Variants in NOL4 observed in about 807,000 individuals in gnomAD.
NOL4 encodes nucleolar protein 4, also known as cancer/testis antigen 125.
NOL4 carries 17 observed loss-of-function variants against 75.9 expected under a neutral mutation model. The ratio of observed to expected loss-of-function variants is 0.22; its 90% CI spans 0.15 to 0.34. The LOEUF is 0.34. NOL4 is among the 10% of genes least tolerant of loss of function. The pLI is 1.00. For missense variants in NOL4, 614 were observed against 793.5 expected, an observed-to-expected ratio of 0.77 and a Z score of 2.72; for synonymous variants, 292 against 289.9, an observed-to-expected ratio of 1.01 and a Z score of -0.07.
chr18:34,135,476 T>C (rs1410303262), intron 1 of NOL4, among the ~76,000 whole-genome samples: 1 of 151,848 alleles, frequency 6.6e-6, no homozygotes, highest in East Asian at 1.9e-4. Context: ...GACGGGTGGA[T>C]CACGAGGTCA....
intron 9 of NOL4, among the ~76,000 whole-genome samples, chr18:33,932,316 T>C (rs1013410857): frequency 3.3e-5 from 5 of 152,124 alleles, no homozygotes; most frequent in Admixed American, 3.3e-4. Context: ...TAAAAAATAA[T>C]GCCATGTTTT....
chr18:34,067,390 G>A (rs1048103351), intron 5 of NOL4, among the ~76,000 whole-genome samples: 1 of 151,984 alleles, frequency 6.6e-6, no homozygotes, highest in Non-Finnish European at 1.5e-5. Context: ...ACCCTGAAAG[G>A]GCTTTGAGTA....
chr18:34,122,545 C>A lies in NOL4; in HGVS notation c.414+7326G>T, dbSNP rs776519352. On this transcript the variant is annotated intron_variant, in intron 2 of 10. Transcript: ENST00000261592. ...ATTATAATATCTATAGTGTTTGAAGCAATTATTATGTTAAAACTTTACCTA... is the reference window on the plus strand; with the variant it reads ...ATTATAATATCTATAGTGTTTGAAGAAATTATTATGTTAAAACTTTACCTA... Among the ~76,000 whole-genome samples the A allele has an allele frequency of 2.6e-5, 4 of 152,160 alleles. No homozygotes were observed. In the East Asian group the frequency reaches 7.7e-4, roughly 29 times the overall value.
At chr18:34,222,348 G>T in intron 1 of NOL4, 2 of 1,263,348 alleles carry the variant, frequency 1.6e-6, no homozygotes, top group Non-Finnish European at 2.0e-6. Context: ...GGGAATGGGG[G>T]GGCGGGGAGG....
intron 9 of NOL4, among the ~76,000 whole-genome samples, chr18:33,918,895 C>T (rs1599865100): frequency 6.6e-6 from 1 of 151,786 alleles, no homozygotes; most frequent in East Asian, 1.9e-4. Flanking sequence ...AACGTTCAGG[C>T]CAAATAAAAC....
intron 10 of NOL4, among the ~76,000 whole-genome samples, chr18:33,855,606 C>T (rs2062802931): frequency 6.6e-6 from 1 of 152,002 alleles, no homozygotes. Flanking sequence ...TCCAAGTGCC[C>T]ACATTTTTAC....
At chr18:33,902,687 T>G (rs1417286820) in intron 9 of NOL4, among the ~76,000 whole-genome samples, 1 of 152,144 alleles carries the variant, frequency 6.6e-6, no homozygotes, top group East Asian at 1.9e-4. Flanking sequence ...TTGAGTCCTT[T>G]TTTCATCAAG....
At chr18:34,028,287 G>A (rs997719497) in intron 5 of NOL4, among the ~76,000 whole-genome samples, 1 of 152,184 alleles carries the variant, frequency 6.6e-6, no homozygotes, top group African/African-American at 2.4e-5. Context: ...GCCAAACAGG[G>A]AACATTTACT....
At chr18:34,059,139 A>C (rs1221138539) in intron 5 of NOL4, among the ~76,000 whole-genome samples, 4 of 104,310 alleles carry the variant, frequency 3.8e-5, no homozygotes, top group Non-Finnish European at 6.0e-5. Flanking sequence ...ATATATATAT[A>C]TATATATATA....
At chr18:34,135,028 G>A (rs1600692767) in intron 1 of NOL4, among the ~76,000 whole-genome samples, 1 of 151,968 alleles carries the variant, frequency 6.6e-6, no homozygotes, top group East Asian at 1.9e-4. Context: ...AACTAAAATC[G>A]AGCAGAAGGG....
rs148281423 is a variant in NOL4 at position 34,019,582 on chromosome 18, G to A, written c.792C>T (p.Ser264=). The A allele has an allele frequency of 7.1e-5, 115 of 1,612,610 alleles. No homozygotes were observed. The African/African-American group carries it at 1.5e-3, about 21-fold the overall frequency. The change falls in exon 6 of 11, where the codon AGC becomes AGT. Residue 264 remains serine (S), a synonymous_variant. Transcript: ENST00000261592. ...GCCCCAGAGTCTCATTGCCATTAAA[G>A]CTCTCTGCAGCAGAATCATCTGTTG... ...GQQDDDSAAE[S]FNGNETLGHS...
intron 6 of NOL4, among the ~76,000 whole-genome samples, chr18:34,002,417 T>G (rs1216319039): frequency 6.6e-6 from 1 of 152,060 alleles, no homozygotes; most frequent in Non-Finnish European, 1.5e-5. Context: ...TCCTACGCAT[T>G]CTTTAGTTTC....
intron 10 of NOL4, among the ~76,000 whole-genome samples, chr18:33,862,047 G>C (rs1192025092): frequency 6.6e-6 from 1 of 152,074 alleles, no homozygotes; most frequent in African/African-American, 2.4e-5. Flanking sequence ...AACCAAAACA[G>C]CATGGTACTG....
chr18:34,005,147 C>T (rs1395537867), intron 6 of NOL4, among the ~76,000 whole-genome samples: 1 of 152,082 alleles, frequency 6.6e-6, no homozygotes, highest in African/African-American at 2.4e-5. Context: ...CCTTTTACTA[C>T]ATGTTTTTTC....
chr18:33,983,389 T>C (rs1245353655), intron 6 of NOL4, among the ~76,000 whole-genome samples: 2 of 148,358 alleles, frequency 1.3e-5, no homozygotes, highest in African/African-American at 5.3e-5. Context: ...TGTACCATTC[T>C]GGTGAGGGAT....
At chr18:33,989,099 G>T (rs2072711031) in intron 6 of NOL4, among the ~76,000 whole-genome samples, 2 of 145,254 alleles carry the variant, frequency 1.4e-5, no homozygotes, top group South Asian at 4.3e-4. Flanking sequence ...AGGTGGGGAG[G>T]ATCAACTGAG....
chr18:34,091,758 A>C (rs2078532916), intron 5 of NOL4, among the ~76,000 whole-genome samples: 1 of 152,206 alleles, frequency 6.6e-6, no homozygotes, highest in Non-Finnish European at 1.5e-5. Context: ...AAGAGGACGG[A>C]TCACTGCAAG....
intron 5 of NOL4, among the ~76,000 whole-genome samples, chr18:34,091,983 C>A (rs1248636966): frequency 2.6e-5 from 4 of 152,088 alleles, no homozygotes; most frequent in African/African-American, 9.7e-5. Flanking sequence ...CTTGCAACTT[C>A]AGTCAAGTAA....
chr18:33,894,354 C>T (rs2065274183), intron 9 of NOL4, among the ~76,000 whole-genome samples: 1 of 152,212 alleles, frequency 6.6e-6, no homozygotes, highest in South Asian at 2.1e-4. Flanking sequence ...CGCATACCCT[C>T]ACATATACAA....
Sources: allele counts gnomAD v4.1 joint callset (sites outside exome capture counted in the v4.1 genomes callset), GRCh38; gene constraint gnomAD v4.1.1; transcripts MANE v1.5; gene names NCBI Gene and HGNC (gene_info 2026-07-23, HGNC 2026-07-21).